FTO: variants seen among roughly 807,000 people sequenced by gnomAD.
FTO encodes the protein FTO alpha-ketoglutarate dependent dioxygenase, also known as alpha-ketoglutarate-dependent dioxygenase FTO.
A neutral mutation model predicts 63.9 loss-of-function variants in FTO; 47 were observed. That is an observed-to-expected ratio of 0.74 (90% CI 0.58 to 0.94). FTO has a LOEUF of 0.94. FTO is among the 40% of genes least tolerant of loss of function. The pLI, the probability that FTO is intolerant of heterozygous loss-of-function variation, is 0.00. For missense variants in FTO, 562 were observed against 618.1 expected (o/e 0.91, Z 0.96); for synonymous variants, 207 against 224.4 (o/e 0.92, Z 0.69).
chr16:53,898,189 C>T (rs965398261), intron 7 of FTO, among the ~76,000 whole-genome samples: 4 of 152,096 alleles, frequency 2.6e-5, no homozygotes, highest in African/African-American at 9.6e-5. Context: ...GTCCATTCCT[C>T]GACCTCCATC....
intron 8 of FTO, among the ~76,000 whole-genome samples, chr16:53,968,852 T>C (rs2143704842): frequency 6.6e-6 from 1 of 152,312 alleles, no homozygotes; most frequent in South Asian, 2.1e-4. Flanking sequence ...AAAGTTTTGT[T>C]TTGCTTTGTT....
intron 7 of FTO, among the ~76,000 whole-genome samples, chr16:53,933,372 A>G (rs748140687): frequency 1.2e-4 from 19 of 152,200 alleles, no homozygotes; most frequent in Non-Finnish European, 2.4e-4. Context: ...ATAAAAATCT[A>G]AAGATGTTCT....
chr16:53,823,718 C>G (rs550591201), intron 2 of FTO, among the ~76,000 whole-genome samples: 1 of 152,150 alleles, frequency 6.6e-6, no homozygotes, highest in Non-Finnish European at 1.5e-5. Flanking sequence ...GAAACCCCGT[C>G]TCTACTAAAA....
chr16:54,070,288 C>T (rs1317039762), intron 8 of FTO: 1 of 152,012 alleles, frequency 6.6e-6, no homozygotes, highest in Non-Finnish European at 1.5e-5. Flanking sequence ...CTAGGACATC[C>T]TGATTTTATA....
chr16:53,885,007 G>A (rs1252048368), intron 6 of FTO, among the ~76,000 whole-genome samples: 8 of 152,124 alleles, frequency 5.3e-5, no homozygotes, highest in Non-Finnish European at 8.8e-5. Context: ...ATCCTTTGGC[G>A]GCCTACAACT....
At chr16:53,978,901 A>G (rs1319233062) in intron 8 of FTO, among the ~76,000 whole-genome samples, 1 of 152,114 alleles carries the variant, frequency 6.6e-6, no homozygotes, top group Non-Finnish European at 1.5e-5. Flanking sequence ...CGGGAGGCTG[A>G]GGCATGACAA....
intron 8 of FTO, among the ~76,000 whole-genome samples, chr16:53,971,110 T>C (rs528125998): frequency 6.6e-6 from 1 of 152,386 alleles, no homozygotes; most frequent in African/African-American, 2.4e-5. Flanking sequence ...AGTTTCTTTA[T>C]ATGATTTATA....
At chr16:53,920,628 A>C (rs934570780) in intron 7 of FTO, among the ~76,000 whole-genome samples, 1 of 152,184 alleles carries the variant, frequency 6.6e-6, no homozygotes, top group Non-Finnish European at 1.5e-5. Context: ...CCATGTGTCT[A>C]GTATGGAACG....
intron 7 of FTO, among the ~76,000 whole-genome samples, chr16:53,907,853 T>G (rs2081577447): frequency 6.6e-6 from 1 of 152,204 alleles, no homozygotes; most frequent in Admixed American, 6.5e-5. Context: ...CAGTCCAGAC[T>G]CCCTTGATCT....
chr16:54,002,265 C>T (rs36053329), intron 8 of FTO, among the ~76,000 whole-genome samples: 18,436 of 152,130 alleles, frequency 0.12, 1,404 homozygotes, highest in Admixed American at 0.25. Context: ...AGTGATCCTC[C>T]GACCTCGGCC....
rs540086373 is a variant in FTO at position 54,067,437 on chromosome 16, T to C, written c.1365-44325T>C. Reference sequence around the variant, plus strand: ...TAATTATAGCGATTTCCTAAACTAATAAACCTGCTAAATCTTTATTGCAAA... The same window carrying C: ...TAATTATAGCGATTTCCTAAACTAACAAACCTGCTAAATCTTTATTGCAAA... On this transcript the variant is annotated intron_variant, in intron 8 of 8. Coordinates refer to ENST00000471389, the MANE Select transcript of FTO (RefSeq NM_001080432.3). 2.0e-5 allele frequency among the ~76,000 whole-genome samples: 3 copies of C among 152,330 alleles called. 1 individual carries two copies. In the South Asian group the frequency reaches 6.2e-4, roughly 32 times the overall value.
intron 1 of FTO, among the ~76,000 whole-genome samples, chr16:53,729,776 A>G (rs1417553241): frequency 2.0e-5 from 3 of 150,830 alleles, no homozygotes; most frequent in Non-Finnish European, 4.4e-5. Flanking sequence ...CTCCCTTCTC[A>G]TTGGCACCTA....
At chr16:53,727,904 T>G (rs2076186885) in intron 1 of FTO, among the ~76,000 whole-genome samples, 1 of 152,182 alleles carries the variant, frequency 6.6e-6, no homozygotes, top group Non-Finnish European at 1.5e-5. Flanking sequence ...GATCTCCTTT[T>G]TATCCTTTTC....
At chr16:53,953,719 T>TA (rs145355972) in intron 8 of FTO, among the ~76,000 whole-genome samples, 2,321 of 152,230 alleles carry the variant, frequency 0.015, 47 homozygotes, top group African/African-American at 0.052. Context: ...TTACCAAATA[T>TA]AAAAAAATCC....
chr16:53,944,034 T>C (rs981449269), intron 8 of FTO, among the ~76,000 whole-genome samples: 1 of 152,208 alleles, frequency 6.6e-6, no homozygotes, highest in African/African-American at 2.4e-5. Flanking sequence ...ACCTATCTCA[T>C]AGGTGTTGGG....
rs1034989116 is a variant in FTO, at chr16:54,075,899, G to C, written c.1365-35863G>C. 6.6e-5 allele frequency among the ~76,000 whole-genome samples: 10 copies of C among 152,258 alleles called. No homozygotes were observed. The South Asian group carries it at 2.1e-3, about 32-fold the overall frequency. ...ATATATTTTAAGGAATCTTAGAGTT[G>C]AGTAGAAAGGATCACAATTAAATGC... On this transcript the variant is annotated intron_variant, in intron 8 of 8. Transcript: ENST00000471389.
At chr16:53,989,082 A>G (rs901265222) in intron 8 of FTO, among the ~76,000 whole-genome samples, 1 of 152,160 alleles carries the variant, frequency 6.6e-6, no homozygotes, top group Admixed American at 6.5e-5. Flanking sequence ...CCCGCCAAGG[A>G]GGATGACATG....
intron 8 of FTO, among the ~76,000 whole-genome samples, chr16:54,089,974 G>T (rs572772058): frequency 6.6e-6 from 1 of 152,010 alleles, no homozygotes; most frequent in Non-Finnish European, 1.5e-5. Flanking sequence ...CAGTTTGATG[G>T]GTCCTCAAAA....
rs150896582 is a variant in FTO at position 53,906,679 on chromosome 16, G to T, written c.1239+17728G>T. On this transcript the variant is annotated intron_variant, in intron 7 of 8. Coordinates refer to ENST00000471389, the MANE Select transcript of FTO (RefSeq NM_001080432.3). ...AGAATTTTAACAGGAGGATGGACAT[G>T]AGAAAAGAGTGGCTATTTCCTATGG... Among the ~76,000 whole-genome samples the T allele has an allele frequency of 7.2e-5, 11 of 152,296 alleles. No homozygotes were observed. In the East Asian group the frequency reaches 2.1e-3, roughly 29 times the overall value.
Sources: allele counts gnomAD v4.1 joint callset (sites outside exome capture counted in the v4.1 genomes callset), GRCh38; gene constraint gnomAD v4.1.1; transcripts MANE v1.5; gene names NCBI Gene and HGNC (gene_info 2026-07-23, HGNC 2026-07-21).